CASK: variants seen among roughly 807,000 people sequenced by gnomAD.
CASK encodes peripheral plasma membrane protein CASK.
A neutral mutation model predicts 82.9 loss-of-function variants in CASK; 4 were observed. The ratio of observed to expected loss-of-function variants is 0.05; its 90% CI spans 0.02 to 0.11. The LOEUF is 0.11. CASK is among the 10% of genes least tolerant of loss of function. CASK has a pLI of 1.00. For missense variants in CASK, 358 were observed against 720.9 expected, an observed-to-expected ratio of 0.50 and a Z score of 5.76; for synonymous variants, 259 against 253.5, an observed-to-expected ratio of 1.02 and a Z score of -0.20.
chrX:41,727,446 C>T (rs745655002), intron 5 of CASK: 77 of 1,207,266 alleles, frequency 6.4e-5, no homozygotes, highest in Non-Finnish European at 8.3e-5. Context: ...TATTTTATGG[C>T]CATTTACTGA....
intron 5 of CASK, among the ~76,000 whole-genome samples, chrX:41,710,558 T>C (rs576720177): frequency 8.9e-6 from 1 of 112,105 alleles, no homozygotes; most frequent in African/African-American, 3.2e-5. Context: ...ACTTTGATGA[T>C]CAGGTCTGTG....
intron 11 of CASK, among the ~76,000 whole-genome samples, chrX:41,611,845 C>T (rs1251797800): frequency 2.3e-4 from 25 of 110,745 alleles, no homozygotes; most frequent in African/African-American, 6.5e-4. Flanking sequence ...ATTGCAGGCG[C>T]GCGCCGCCAC....
chrX:41,916,889 A>C (rs1397595326), intron 1 of CASK, among the ~76,000 whole-genome samples: 1 of 112,037 alleles, frequency 8.9e-6, no homozygotes, highest in Non-Finnish European at 1.9e-5. Flanking sequence ...AAAGTTCCAA[A>C]ACAAATTATA....
chrX:41,614,522 A>ATT (rs200039747), intron 11 of CASK, among the ~76,000 whole-genome samples: 4 of 98,340 alleles, frequency 4.1e-5, no homozygotes, highest in East Asian at 3.1e-4. Flanking sequence ...ACTATGGATA[A>ATT]TTTTTTTTTT....
chrX:41,592,220 C>T lies in CASK; in HGVS notation c.1156-2628G>A, dbSNP rs1425980752. Among the ~76,000 whole-genome samples the T allele has an allele frequency of 9.0e-4, 79 of 87,534 alleles. 1 individual carries two copies. The highest frequency in any genetic ancestry group is 2.2e-4 in the Non-Finnish European group (10 of 45,297). 76.0% of individuals were successfully genotyped at this position (87,534 alleles called of 115,157 possible). ...TGGGTGACAGAGCAAGACTTTGTCT[C>T]GAAAAAAAAAAAAAAAAAATCTCAA... On this transcript the variant is annotated intron_variant, in intron 12 of 26. Transcript: ENST00000378163.
Position 41,751,448 on chromosome X carries a change from A to G in CASK, c.279-5847T>C, listed in dbSNP as rs747566447. On this transcript the variant is annotated intron_variant, in intron 3 of 26. Coordinates refer to ENST00000378163, the MANE Select transcript of CASK (RefSeq NM_001367721.1). ...GAATTAACAGTATAGTGAGTGAAAA[A>G]CTAGTCCTGAGAACAGAGAAAGGAT... Among the ~76,000 whole-genome samples, 4 of 110,500 alleles carry G rather than the reference A, an allele frequency of 3.6e-5. No homozygotes were observed. The East Asian group carries it at 1.1e-3, about 31-fold the overall frequency.
intron 9 of CASK, among the ~76,000 whole-genome samples, chrX:41,633,000 G>A (rs184718486): frequency 9.9e-6 from 1 of 100,726 alleles, no homozygotes; most frequent in East Asian, 3.1e-4. Flanking sequence ...CCGAGATTGC[G>A]CCACTGCACT....
chrX:41,809,340 G>A (rs185820405), intron 2 of CASK, among the ~76,000 whole-genome samples: 331 of 112,160 alleles, frequency 3.0e-3, no homozygotes, highest in Non-Finnish European at 4.7e-3. Flanking sequence ...GGCACCCCCC[G>A]GCAAGGGCAG....
intron 1 of CASK, among the ~76,000 whole-genome samples, chrX:41,876,597 A>T (rs886208873): frequency 3.6e-5 from 4 of 111,992 alleles, no homozygotes; most frequent in Non-Finnish European, 7.5e-5. Context: ...AAAAAATAGT[A>T]TATAGTAAGT....
In CASK at chrX:41,561,725, T is replaced by C. The variant is rs1234479614; in HGVS notation, c.1583-81A>G. 4 of 753,038 alleles carry C rather than the reference T, an allele frequency of 5.3e-6. No individual in the cohort carries two copies. In the African/African-American group the frequency reaches 8.4e-5, roughly 16 times the overall value. 62.1% of individuals were successfully genotyped at this position (753,038 alleles called of 1,213,427 possible). ...AAATCCAGAGGCATCAATGTAATTTTTAAAAACTAAGTTGAATATTGAGGG... is the reference window on the plus strand; with the variant it reads ...AAATCCAGAGGCATCAATGTAATTTCTAAAAACTAAGTTGAATATTGAGGG... On this transcript the variant is annotated intron_variant, in intron 16 of 26. Coordinates refer to ENST00000378163, the MANE Select transcript of CASK (RefSeq NM_001367721.1).
chrX:41,579,022 A>T (rs2065525493), intron 14 of CASK, among the ~76,000 whole-genome samples: 1 of 112,222 alleles, frequency 8.9e-6, no homozygotes, highest in South Asian at 3.6e-4. Flanking sequence ...ATGAAGGTAG[A>T]CGGTACAATT....
chrX:41,636,472 A>G, intron 9 of CASK, 106 bp downstream of exon 9: 1 of 537,846 alleles, frequency 1.9e-6, no homozygotes, highest in Non-Finnish European at 3.2e-6. Context: ...TAGCTACAAC[A>G]AAAACAATGG....
intron 1 of CASK, among the ~76,000 whole-genome samples, chrX:41,888,708 TA>T (rs2072096665): frequency 9.5e-6 from 1 of 105,562 alleles, no homozygotes; most frequent in Non-Finnish European, 1.9e-5. Flanking sequence ...TATACGTATA[TA>T]TGTATATGTA....
intron 22 of CASK, among the ~76,000 whole-genome samples, chrX:41,536,191 C>T (rs1481216513): frequency 9.0e-6 from 1 of 110,906 alleles, no homozygotes; most frequent in Non-Finnish European, 1.9e-5. Context: ...GATCTCGGCT[C>T]ACTGCAACCT....
chrX:41,651,677 C>T (rs2066867893), intron 8 of CASK, among the ~76,000 whole-genome samples: 1 of 112,050 alleles, frequency 8.9e-6, no homozygotes, highest in Admixed American at 9.5e-5. Flanking sequence ...AATACTATTC[C>T]ATGTCATCAC....
At chrX:41,848,381 A>G (rs759610675) in intron 2 of CASK, among the ~76,000 whole-genome samples, 138 of 112,140 alleles carry the variant, frequency 1.2e-3, no homozygotes, top group African/African-American at 4.3e-3. Context: ...CCTGGCAGTA[A>G]CAAGTGAGTT....
intron 26 of CASK, among the ~76,000 whole-genome samples, chrX:41,521,473 C>T (rs1202625547): frequency 8.9e-6 from 1 of 112,044 alleles, no homozygotes; most frequent in Non-Finnish European, 1.9e-5. Flanking sequence ...CAGCTTGCCA[C>T]AGATTTTAAG....
At position 41,515,903 on chromosome X, in the gene CASK, C is replaced by T. The variant is rs2064541978; in HGVS notation, c.*4517G>A. 2.7e-5 allele frequency: 3 copies of T among 112,478 alleles called. No homozygotes were observed. The highest frequency in any genetic ancestry group is 3.8e-5 in the Non-Finnish European group (2 of 53,300). 9.3% of individuals were successfully genotyped at this position (112,478 alleles called of 1,213,427 possible). On this transcript the variant is annotated 3_prime_UTR_variant, in exon 27 of 27. Coordinates refer to ENST00000378163, the MANE Select transcript of CASK (RefSeq NM_001367721.1). ...GCTAAATTCTGAGTTTCTGAGCATA[C>T]GCAGAGATGGAGTTGTGCTTGGGGC...
intron 15 of CASK, among the ~76,000 whole-genome samples, chrX:41,575,558 G>A (rs1192791719): frequency 1.8e-5 from 2 of 111,070 alleles, no homozygotes; most frequent in Non-Finnish European, 3.8e-5. Context: ...TTATGAGTAT[G>A]ATGCTACAAA....
Sources: gnomAD v4.1 joint callset for allele counts (sites outside exome capture counted in the v4.1 genomes callset) on GRCh38, gnomAD v4.1.1 for gene constraint, MANE v1.5 for transcripts, NCBI Gene and HGNC (gene_info 2026-07-23, HGNC 2026-07-21) for gene names.